The following KCNQ5 variants were observed in gnomAD, a reference collection of about 807,000 sequenced individuals.
The protein encoded by KCNQ5 is potassium voltage-gated channel subfamily Q member 5.
Under a neutral mutation model 98.2 loss-of-function variants are expected in KCNQ5, and 30 were observed. The observed-to-expected ratio is 0.31, with a 90% confidence interval of 0.23 to 0.41. The LOEUF is 0.41. Ranked by LOEUF, KCNQ5 falls within the 10% of genes least tolerant of loss-of-function variation. The probability of loss-of-function intolerance (pLI) is 1.00; values close to 1 mark genes in which losing one functional copy is unlikely to be tolerated. For synonymous variants in KCNQ5, 458 were observed against 449.4 expected (o/e 1.02, Z -0.24); for missense variants, 835 against 1,182.5 (o/e 0.71, Z 4.31).
At chr6:73,168,792 T>A (rs1482767175) in intron 10 of KCNQ5, among the ~76,000 whole-genome samples, 2 of 152,104 alleles carry the variant, frequency 1.3e-5, no homozygotes, top group Non-Finnish European at 1.5e-5. Flanking sequence ...ATTGCCAAAG[T>A]AATACATGTT....
At chr6:72,696,755 C>T (rs568035268) in intron 1 of KCNQ5, among the ~76,000 whole-genome samples, 2 of 151,976 alleles carry the variant, frequency 1.3e-5, no homozygotes, top group South Asian at 2.1e-4. Context: ...ATTGGAAACA[C>T]CTTTGCATAG....
At chr6:72,634,513 T>A (rs1185627299) in intron 1 of KCNQ5, among the ~76,000 whole-genome samples, 1 of 152,196 alleles carries the variant, frequency 6.6e-6, no homozygotes, top group Admixed American at 6.5e-5. Context: ...TTGTATCCTA[T>A]ATAGGGCATT....
intron 1 of KCNQ5, among the ~76,000 whole-genome samples, chr6:72,984,561 T>C (rs957017673): frequency 6.6e-6 from 1 of 152,174 alleles, no homozygotes; most frequent in Non-Finnish European, 1.5e-5. Context: ...GCTAAGACCA[T>C]TGGAAAAGCC....
intron 11 of KCNQ5, 30 bp downstream of exon 11, chr6:73,169,884 A>G (rs1777941973): frequency 2.2e-6 from 3 of 1,339,302 alleles, no homozygotes; most frequent in East Asian, 4.6e-5. Flanking sequence ...AACGTGATTC[A>G]GAGACATACT....
At chr6:72,879,585 A>G (rs1283733117) in intron 1 of KCNQ5, among the ~76,000 whole-genome samples, 1 of 152,164 alleles carries the variant, frequency 6.6e-6, no homozygotes, top group African/African-American at 2.4e-5. Flanking sequence ...GTAGAGACGT[A>G]TGTGTCTACA....
At chr6:73,096,542 A>G (rs937965523) in intron 5 of KCNQ5, among the ~76,000 whole-genome samples, 1 of 152,160 alleles carries the variant, frequency 6.6e-6, no homozygotes, top group African/African-American at 2.4e-5. Flanking sequence ...TAGGAGAGGC[A>G]TGATATTCAA....
At chr6:72,892,477 T>A (rs1458914403) in intron 1 of KCNQ5, among the ~76,000 whole-genome samples, 1 of 152,220 alleles carries the variant, frequency 6.6e-6, no homozygotes, top group Non-Finnish European at 1.5e-5. Flanking sequence ...TAGCAAACTA[T>A]GCCGGTGGCT....
intron 1 of KCNQ5, among the ~76,000 whole-genome samples, chr6:72,962,240 CAT>C (rs1169832539): frequency 6.3e-5 from 9 of 142,096 alleles, no homozygotes; most frequent in East Asian, 2.0e-4. Flanking sequence ...TATATATACA[CAT>C]ATATATATAC....
chr6:72,945,925 C>T (rs919535162), intron 1 of KCNQ5, among the ~76,000 whole-genome samples: 15 of 152,218 alleles, frequency 9.9e-5, no homozygotes, highest in African/African-American at 2.9e-4. Flanking sequence ...ATTCTCATAA[C>T]AACACTGGAA....
intron 1 of KCNQ5, among the ~76,000 whole-genome samples, chr6:72,911,051 G>C (rs938926040): frequency 6.6e-6 from 1 of 152,172 alleles, no homozygotes; most frequent in Admixed American, 6.6e-5. Context: ...TAACCAAGAA[G>C]TTTTTAACTG....
At chr6:72,746,871 TAATG>T (rs541630335) in intron 1 of KCNQ5, among the ~76,000 whole-genome samples, 1 of 152,172 alleles carries the variant, frequency 6.6e-6, no homozygotes, top group Non-Finnish European at 1.5e-5. Context: ...TTATAGATAC[TAATG>T]TAGTAGTTGC....
chr6:72,892,575 A>G (rs2150184106), intron 1 of KCNQ5, among the ~76,000 whole-genome samples: 1 of 152,342 alleles, frequency 6.6e-6, no homozygotes, highest in African/African-American at 2.4e-5. Flanking sequence ...GATTTCCTCC[A>G]CCAATCATAA....
intron 1 of KCNQ5, among the ~76,000 whole-genome samples, chr6:72,751,561 C>T (rs1247544802): frequency 6.6e-6 from 1 of 152,014 alleles, no homozygotes; most frequent in Non-Finnish European, 1.5e-5. Flanking sequence ...CTGCCATTTT[C>T]AAAAGTCAAC....
At chr6:72,831,928 C>T (rs911845935) in intron 1 of KCNQ5, among the ~76,000 whole-genome samples, 5 of 151,262 alleles carry the variant, frequency 3.3e-5, no homozygotes, top group African/African-American at 1.2e-4. Context: ...ATGTTGGGGG[C>T]TAACAGAGAG....
intron 1 of KCNQ5, among the ~76,000 whole-genome samples, chr6:72,909,598 C>G (rs1481468871): frequency 2.0e-5 from 3 of 152,104 alleles, no homozygotes; most frequent in African/African-American, 7.2e-5. Context: ...ATGAAGAGAG[C>G]TAAGCAGTTC....
intron 10 of KCNQ5, among the ~76,000 whole-genome samples, chr6:73,159,039 C>T (rs1371675974): frequency 1.3e-5 from 2 of 152,148 alleles, no homozygotes; most frequent in Non-Finnish European, 2.9e-5. Context: ...ACAAAGGAAA[C>T]TTACCTTGTA....
At chr6:73,032,776 A>G (rs1247039352) in intron 2 of KCNQ5, among the ~76,000 whole-genome samples, 1 of 152,074 alleles carries the variant, frequency 6.6e-6, no homozygotes, top group African/African-American at 2.4e-5. Flanking sequence ...GACACACCCA[A>G]ATAGAAACCT....
At chr6:73,095,185 A>C (rs7764195) in intron 5 of KCNQ5, among the ~76,000 whole-genome samples, 132,944 of 152,174 alleles carry the variant, frequency 0.87, 58,750 homozygotes, top group South Asian at 0.96. Flanking sequence ...GAGCTCTGAA[A>C]TTCTTTCTTC....
chr6:72,962,650 G>A (rs996473536), intron 1 of KCNQ5, among the ~76,000 whole-genome samples: 7 of 152,094 alleles, frequency 4.6e-5, no homozygotes, highest in Admixed American at 1.3e-4. Flanking sequence ...GATGGAAACC[G>A]AACTGAAATA....
Sources: allele counts gnomAD v4.1 joint callset (sites outside exome capture counted in the v4.1 genomes callset), GRCh38; gene constraint gnomAD v4.1.1; transcripts MANE v1.5; gene names NCBI Gene and HGNC (gene_info 2026-07-23, HGNC 2026-07-21).